LPP: variants seen among roughly 807,000 people sequenced by gnomAD.
The protein encoded by LPP is lipoma-preferred partner.
LPP carries 38 observed loss-of-function variants against 60.4 expected under a neutral mutation model. That is an observed-to-expected ratio of 0.63 (90% CI 0.49 to 0.83). The LOEUF is 0.83. LPP is among the 40% of genes least tolerant of loss of function. The pLI, the probability that LPP is intolerant of heterozygous loss-of-function variation, is 0.00. For missense variants in LPP, 902 were observed against 783.6 expected, an observed-to-expected ratio of 1.15 and a Z score of -1.80; for synonymous variants, 328 against 290.8, an observed-to-expected ratio of 1.13 and a Z score of -1.30.
chr3:188,355,092 T>C (rs1025813912), intron 3 of LPP, among the ~76,000 whole-genome samples: 1 of 152,144 alleles, frequency 6.6e-6, no homozygotes, highest in Non-Finnish European at 1.5e-5. Flanking sequence ...CACTGCAATC[T>C]CCACCTCCTG....
intron 9 of LPP, among the ~76,000 whole-genome samples, chr3:188,860,641 G>GAA (rs113944782): frequency 0.55 from 82,174 of 150,472 alleles, 22,783 homozygotes; most frequent in East Asian, 0.8. Context: ...TGGTTAAATA[G>GAA]AAAAAAAAAA....
chr3:188,760,407 G>GTGT (rs1553836177), intron 9 of LPP, 125 bp downstream of exon 9: 10 of 538,456 alleles, frequency 1.9e-5, no homozygotes, highest in Admixed American at 1.2e-4. Context: ...ATGTGTGTGT[G>GTGT]GGGTGTGTGT....
In LPP at chr3:188,694,721, C is replaced by A. The variant is rs192483837; in HGVS notation, c.1114-13546C>A. 6.8e-3 allele frequency among the ~76,000 whole-genome samples: 1,022 copies of A among 151,074 alleles called. 7 individuals are homozygous for A. The highest frequency in any genetic ancestry group is 0.022 in the African/African-American group (919 of 41,284). ...TCAAAAAAAAAAAAATAAATAAAAA[C>A]TAAAAAACAACCATGTCTCTCAAAG... On this transcript the variant is annotated intron_variant, in intron 7 of 11. Transcript: ENST00000617246.
At chr3:188,262,745 C>A (rs903881424) in intron 2 of LPP, among the ~76,000 whole-genome samples, 1 of 150,668 alleles carries the variant, frequency 6.6e-6, no homozygotes, top group East Asian at 1.9e-4. Context: ...CACACACACA[C>A]GGGGAAAAAA....
At chr3:188,473,875 C>CT (rs781775852) in intron 4 of LPP, among the ~76,000 whole-genome samples, 21 of 152,220 alleles carry the variant, frequency 1.4e-4, no homozygotes, top group Non-Finnish European at 8.8e-5. Context: ...CTAGGGTGCC[C>CT]CCATAACCAG....
At chr3:188,841,953 A>C (rs896632332) in intron 9 of LPP, among the ~76,000 whole-genome samples, 3 of 152,188 alleles carry the variant, frequency 2.0e-5, no homozygotes, top group African/African-American at 7.2e-5. Flanking sequence ...GGCTGAGACG[A>C]TGGGGTTTTC....
At chr3:188,304,610 C>T (rs183480376) in intron 2 of LPP, among the ~76,000 whole-genome samples, 2 of 152,252 alleles carry the variant, frequency 1.3e-5, no homozygotes, top group Admixed American at 6.5e-5. Flanking sequence ...CCACTGTTAT[C>T]CCAAATAAAG....
chr3:188,811,370 A>ACACACACACACACACACACG (rs1553855621), intron 9 of LPP, among the ~76,000 whole-genome samples: 3 of 151,642 alleles, frequency 2.0e-5, no homozygotes, highest in Admixed American at 2.0e-4. Flanking sequence ...ACACACACAC[A>ACACACACACACACACACACG]CACACACACA....
chr3:188,342,365 C>G (rs1463533374), intron 3 of LPP, among the ~76,000 whole-genome samples: 1 of 152,104 alleles, frequency 6.6e-6, no homozygotes, highest in Non-Finnish European at 1.5e-5. Flanking sequence ...ATACATTTGT[C>G]TTGAGTTTGC....
chr3:188,161,816 C>T lies in LPP; in HGVS notation c.-190+7564C>T, dbSNP rs113334672. 1.6e-4 allele frequency among the ~76,000 whole-genome samples: 25 copies of T among 152,276 alleles called. No individual in the cohort carries two copies. The South Asian group carries it at 2.3e-3, about 14-fold the overall frequency. ...TATGGTATCTTAGGCTTGAAACTTG[C>T]GCTTCATACTTAGAAAGCAATCAGA... On this transcript the variant is annotated intron_variant, in intron 1 of 11. Coordinates refer to ENST00000617246, the MANE Select transcript of LPP (RefSeq NM_001375462.1).
At chr3:188,506,757 C>G (rs1813587533) in intron 5 of LPP, among the ~76,000 whole-genome samples, 1 of 152,210 alleles carries the variant, frequency 6.6e-6, no homozygotes, top group South Asian at 2.1e-4. Flanking sequence ...AAGGCAGGAT[C>G]ACAACCCATA....
At chr3:188,474,823 A>G (rs1802766062) in intron 4 of LPP, among the ~76,000 whole-genome samples, 2 of 152,298 alleles carry the variant, frequency 1.3e-5, no homozygotes, top group South Asian at 4.1e-4. Flanking sequence ...CTGATGCATT[A>G]AGCTCAACTC....
At chr3:188,370,814 T>C (rs942218146) in intron 3 of LPP, among the ~76,000 whole-genome samples, 1 of 152,206 alleles carries the variant, frequency 6.6e-6, no homozygotes, top group Non-Finnish European at 1.5e-5. Flanking sequence ...GCTGTGGCTC[T>C]TTCACTTTCT....
chr3:188,456,424 C>T (rs951262421), intron 4 of LPP, among the ~76,000 whole-genome samples: 6 of 152,226 alleles, frequency 3.9e-5, no homozygotes, highest in Non-Finnish European at 2.9e-5. Context: ...AGAGCGATAA[C>T]GTTATAAAAG....
At chr3:188,515,116 C>A (rs917703687) in intron 5 of LPP, among the ~76,000 whole-genome samples, 1 of 152,086 alleles carries the variant, frequency 6.6e-6, no homozygotes, top group African/African-American at 2.4e-5. Context: ...TTTTTCCCTC[C>A]AAATCATGTC....
chr3:188,157,871 G>C (rs912061177), intron 1 of LPP, among the ~76,000 whole-genome samples: 24 of 152,164 alleles, frequency 1.6e-4, no homozygotes, highest in African/African-American at 5.5e-4. Context: ...GGTGAGAGAA[G>C]GACCTATTAG....
At chr3:188,271,077 T>C (rs1420176132) in intron 2 of LPP, among the ~76,000 whole-genome samples, 1 of 152,198 alleles carries the variant, frequency 6.6e-6, no homozygotes, top group Non-Finnish European at 1.5e-5. Context: ...ATTTTCTAAT[T>C]CTTCCAAATA....
At chr3:188,479,323 A>C (rs571093913) in intron 4 of LPP, among the ~76,000 whole-genome samples, 1 of 152,306 alleles carries the variant, frequency 6.6e-6, no homozygotes, top group East Asian at 1.9e-4. Context: ...GAAGCTAGAG[A>C]CATGTCACTG....
At chr3:188,595,239 T>C (rs557575924) in intron 6 of LPP, among the ~76,000 whole-genome samples, 2 of 152,326 alleles carry the variant, frequency 1.3e-5, no homozygotes, top group East Asian at 3.9e-4. Context: ...ATTTCAGTAC[T>C]TGTTGTCCTA....
Sources: gnomAD v4.1 joint callset for allele counts (sites outside exome capture counted in the v4.1 genomes callset) on GRCh38, gnomAD v4.1.1 for gene constraint, MANE v1.5 for transcripts, NCBI Gene and HGNC (gene_info 2026-07-23, HGNC 2026-07-21) for gene names.